The following KIF21A variants were observed in gnomAD, a reference collection of about 807,000 sequenced individuals.
KIF21A encodes the protein kinesin-like protein KIF21A.
KIF21A carries 114 observed loss-of-function variants against 202.9 expected under a neutral mutation model. That is an observed-to-expected ratio of 0.56 (90% CI 0.48 to 0.66). The LOEUF (loss-of-function observed/expected upper bound fraction) is 0.66. Among genes scored for constraint, KIF21A ranks in the 30% least tolerant of loss-of-function variants. The probability of loss-of-function intolerance (pLI) is 0.00; values close to 1 mark genes in which losing one functional copy is unlikely to be tolerated. For synonymous variants in KIF21A, 667 were observed against 670.8 expected (o/e 0.99, Z 0.09); for missense variants, 1,677 against 1,994.9 (o/e 0.84, Z 3.04).
intron 11 of KIF21A, 68 bp from the exon 12 acceptor site, chr12:39,346,572 G>T (rs773365427): frequency 9.0e-7 from 1 of 1,114,174 alleles, no homozygotes; most frequent in Non-Finnish European, 1.2e-6. Flanking sequence ...AGTAAAAAGC[G>T]AAAGTGATAA....
intron 1 of KIF21A, among the ~76,000 whole-genome samples, chr12:39,384,254 G>T (rs1950798580): frequency 6.6e-6 from 1 of 152,086 alleles, no homozygotes; most frequent in Admixed American, 6.6e-5. Flanking sequence ...TGATTATTAA[G>T]TCTATTGTTT....
At chr12:39,301,900 T>A (rs989091807) in intron 36 of KIF21A, among the ~76,000 whole-genome samples, 5 of 152,218 alleles carry the variant, frequency 3.3e-5, no homozygotes, top group Admixed American at 2.6e-4. Context: ...TATCAGCATA[T>A]AAGGGCTATA....
chr12:39,382,962 A>C (rs948736558), intron 1 of KIF21A, among the ~76,000 whole-genome samples: 3 of 152,226 alleles, frequency 2.0e-5, no homozygotes, highest in African/African-American at 7.2e-5. Flanking sequence ...TCAGAAATGG[A>C]GAATACAAAC....
chr12:39,340,782 AAAAC>A, intron 15 of KIF21A, 120 bp downstream of exon 15: 1 of 731,710 alleles, frequency 1.4e-6, no homozygotes, highest in East Asian at 2.7e-5. Flanking sequence ...TTGCAAAAAC[AAAAC>A]AAATAAATAA....
intron 1 of KIF21A, among the ~76,000 whole-genome samples, chr12:39,411,551 G>A (rs1292775291): frequency 6.6e-6 from 1 of 151,942 alleles, no homozygotes; most frequent in Non-Finnish European, 1.5e-5. Flanking sequence ...TTTAAAGACA[G>A]GGTCTTCCTC....
intron 1 of KIF21A, among the ~76,000 whole-genome samples, chr12:39,392,172 G>A (rs189975993): frequency 4.4e-4 from 67 of 152,314 alleles, no homozygotes; most frequent in Admixed American, 3.2e-3. Context: ...TATTTCCAGC[G>A]AAGAGAGAGC....
chr12:39,416,739 A>ATATATATATGTACATATATGTGTG (rs1953723738), intron 1 of KIF21A, among the ~76,000 whole-genome samples: 1 of 78,774 alleles, frequency 1.3e-5, no homozygotes, highest in Non-Finnish European at 2.2e-5. Context: ...ATATATGTGT[A>ATATATATATGTACATATATGTGTG]TATATATATG....
In KIF21A at chr12:39,442,106, T is replaced by A. The variant is rs1354012977; in HGVS notation, c.44+821A>T. Among the ~76,000 whole-genome samples, 1 of 152,172 alleles carries A rather than the reference T, an allele frequency of 6.6e-6. No individual in the cohort carries two copies. The highest frequency in any genetic ancestry group is 1.5e-5 in the Non-Finnish European group (1 of 68,032). On this transcript the variant is annotated intron_variant, in intron 1 of 37. Transcript: ENST00000361418. The surrounding 1 kb of genome is among the most constrained non-coding windows in gnomAD (Gnocchi z 5.0). ...CTCGTGCCTGTCATTGGCCGAAATA[T>A]AATTTCAATACTAGGATGTACCTAG...
chr12:39,356,695 T>A (rs7135918), intron 10 of KIF21A, 137 bp downstream of exon 10: 63,761 of 548,452 alleles, frequency 0.12, 4,078 homozygotes, highest in African/African-American at 0.18. Flanking sequence ...AAGAATCTCC[T>A]AAAGTTAACC....
At chr12:39,370,566 C>T (rs1383287238) in intron 1 of KIF21A, among the ~76,000 whole-genome samples, 1 of 152,070 alleles carries the variant, frequency 6.6e-6, no homozygotes, top group East Asian at 1.9e-4. Context: ...GAGGTAGACA[C>T]TCAGTCCAAT....
Position 39,325,856 on chromosome 12 carries a change from C to G in KIF21A, c.3439G>C (p.Val1147Leu). 1.2e-6 allele frequency: 2 copies of G among 1,611,958 alleles called. No individual in the cohort carries two copies. The highest frequency in any genetic ancestry group is 1.7e-6 in the Non-Finnish European group (2 of 1,178,380). The change falls in exon 26 of 38, where the codon GTG becomes CTG. Residue 1147 changes from valine to leucine, a missense_variant. Transcript: ENST00000361418. ...SSDLMKLCGE[V>L]KPKNKARRRT... The stretch of plus-strand genomic sequence containing the variant: ...CTCCTTACCTTGTTCTTAGGTTTCA[C>G]TTCACCACAAAGCTTCATGAGATCT...
rs149239603 is a variant in KIF21A, at chr12:39,333,862, C to A, written c.2419-582G>T. 4.1e-3 allele frequency among the ~76,000 whole-genome samples: 628 copies of A among 151,970 alleles called. 6 individuals carry two copies. Among genetic ancestry groups the A allele is most frequent in the Non-Finnish European group, 6.9e-3 (470 of 67,998 alleles). ...TAAAGATGACTAATTAGGATTACTT[C>A]AAGCCATTCTACAGGCATATAATTT... On this transcript the variant is annotated intron_variant, in intron 17 of 37. Coordinates refer to ENST00000361418, the MANE Select transcript of KIF21A (RefSeq NM_001173464.2).
At chr12:39,433,119 T>C (rs1362674618) in intron 1 of KIF21A, among the ~76,000 whole-genome samples, 1 of 152,236 alleles carries the variant, frequency 6.6e-6, no homozygotes, top group African/African-American at 2.4e-5. Flanking sequence ...ATTTTTCTAA[T>C]GTGATTAACC....
At chr12:39,425,304 T>C (rs1954657395) in intron 1 of KIF21A, among the ~76,000 whole-genome samples, 1 of 152,246 alleles carries the variant, frequency 6.6e-6, no homozygotes, top group South Asian at 2.1e-4. Context: ...AGCTCTTGTC[T>C]TGCTCACATC....
Position 39,295,920 on chromosome 12 carries a change from G to C in KIF21A, c.4932-1403C>G, listed in dbSNP as rs112057449. Reference sequence around the variant, plus strand: ...GGGTTTCACCATGTTGGCCAGCCTCGATCTCTTGACCTCGTGATCTGCCTG... The same window carrying C: ...GGGTTTCACCATGTTGGCCAGCCTCCATCTCTTGACCTCGTGATCTGCCTG... On this transcript the variant is annotated intron_variant, in intron 37 of 37. Coordinates refer to ENST00000361418, the MANE Select transcript of KIF21A (RefSeq NM_001173464.2). Among the ~76,000 whole-genome samples the C allele has an allele frequency of 7.7e-3, 1,149 of 149,006 alleles. 14 individuals are homozygous for C. The highest frequency in any genetic ancestry group is 0.027 in the African/African-American group (1,078 of 40,382).
chr12:39,380,247 C>T (rs1344451287), intron 1 of KIF21A, among the ~76,000 whole-genome samples: 1 of 152,236 alleles, frequency 6.6e-6, no homozygotes, highest in Non-Finnish European at 1.5e-5. Context: ...GGGTTACAGG[C>T]GTGAGCCACC....
intron 19 of KIF21A, 40 bp from the exon 20 acceptor site, chr12:39,332,784 A>G (rs781587150): frequency 6.2e-7 from 1 of 1,610,148 alleles, no homozygotes; most frequent in African/African-American, 1.3e-5. Flanking sequence ...TTACTTATGC[A>G]CTTATTTGAT....
At chr12:39,310,339 TG>T (rs1555147551) in intron 32 of KIF21A, among the ~76,000 whole-genome samples, 1 of 152,080 alleles carries the variant, frequency 6.6e-6, no homozygotes, top group Non-Finnish European at 1.5e-5. Flanking sequence ...AAAGAACATA[TG>T]TTTTTTTAAT....
rs538201366 is a variant in KIF21A at position 39,328,383 on chromosome 12, C to T, written c.3340+1859G>A. 1.1e-4 allele frequency among the ~76,000 whole-genome samples: 16 copies of T among 152,252 alleles called. No individual in the cohort carries two copies. In the East Asian group the frequency reaches 2.1e-3, roughly 20 times the overall value. ...GGAGAAAGAAAGCACTCTGTGTGAA[C>T]TCTTATCGTAGGGAGAGAGATACAA... On this transcript the variant is annotated intron_variant, in intron 24 of 37. Coordinates refer to ENST00000361418, the MANE Select transcript of KIF21A (RefSeq NM_001173464.2).
Sources: allele counts gnomAD v4.1 joint callset (sites outside exome capture counted in the v4.1 genomes callset), GRCh38; gene constraint gnomAD v4.1.1; non-coding constraint Gnocchi (gnomAD v3.1); transcripts MANE v1.5; gene names NCBI Gene and HGNC (gene_info 2026-07-23, HGNC 2026-07-21).